MPPED1: variants seen among roughly 807,000 people sequenced by gnomAD.
The protein encoded by MPPED1 is metallophosphoesterase domain-containing protein 1.
MPPED1 carries 16 observed loss-of-function variants against 36.2 expected under a neutral mutation model. That is an observed-to-expected ratio of 0.44 (90% confidence interval 0.30 to 0.67). The LOEUF (loss-of-function observed/expected upper bound fraction) is 0.67, where lower values mean the gene tolerates loss of function less well. MPPED1 is among the 30% of genes least tolerant of loss of function. The pLI is 0.10. For missense variants in MPPED1, 307 were observed against 453.4 expected (o/e 0.68, Z 2.93); for synonymous variants, 199 against 191.3 (o/e 1.04, Z -0.33).
chr22:43,424,821 C>G (rs1929402345), intron 1 of MPPED1, 87 bp from the exon 2 acceptor site: 3 of 1,432,068 alleles, frequency 2.1e-6, no homozygotes, highest in East Asian at 5.0e-5. Context: ...CCCCCGCCCT[C>G]TCCCTCTTTC....
At chr22:43,439,210 A>T (rs1601959598) in intron 3 of MPPED1, among the ~76,000 whole-genome samples, 2 of 152,260 alleles carry the variant, frequency 1.3e-5, no homozygotes, top group South Asian at 4.1e-4. Context: ...GTCTGCGTTC[A>T]TGGGAGGGGG....
intron 1 of MPPED1, among the ~76,000 whole-genome samples, chr22:43,414,821 A>G (rs2146807676): frequency 6.6e-6 from 1 of 152,122 alleles, no homozygotes; most frequent in African/African-American, 2.4e-5. Flanking sequence ...AGCAATAAGT[A>G]CCTTTGTCTG....
chr22:43,498,250 C>T lies in MPPED1; in HGVS notation c.648C>T (p.Tyr216=), dbSNP rs1191418969. 9 of 1,535,010 alleles carry T rather than the reference C, an allele frequency of 5.9e-6. No individual in the cohort carries two copies. Among genetic ancestry groups the T allele is most frequent in the African/African-American group, 2.7e-5 (2 of 73,110 alleles). The part of the protein sequence containing the change: ...IYGSPWQPWF[Y]GWGFNLPRGQ... Reference sequence around the variant, plus strand: ...TCTTCTACAGGCAGCCCTGGTTCTACGGCTGGGGCTTCAACCTCCCGCGAG... The same window carrying T: ...TCTTCTACAGGCAGCCCTGGTTCTATGGCTGGGGCTTCAACCTCCCGCGAG... The change falls in exon 5 of 7, where the codon TAC becomes TAT. Residue 216 remains tyrosine, a synonymous_variant. Coordinates refer to ENST00000443721, the MANE Select transcript of MPPED1 (RefSeq NM_001044370.2).
At chr22:43,449,422 A>ACCCCCCCCCCCCCCCCCCCCCCCCACCC (rs135045) in intron 3 of MPPED1, among the ~76,000 whole-genome samples, 1 of 127,334 alleles carries the variant, frequency 7.9e-6, no homozygotes, top group Admixed American at 8.3e-5. Context: ...GACAGTGCCA[A>ACCCCCCCCCCCCCCCCCCCCCCCCACCC]CCCCCCCCGC....
intron 1 of MPPED1, chr22:43,416,415 A>T (rs991510235): frequency 6.6e-6 from 1 of 152,230 alleles, no homozygotes; most frequent in Non-Finnish European, 1.5e-5. Flanking sequence ...TGTTTAATAG[A>T]TTTCCACAAG....
At chr22:43,421,954 CAG>C (rs1245153904) in intron 1 of MPPED1, among the ~76,000 whole-genome samples, 1 of 152,212 alleles carries the variant, frequency 6.6e-6, no homozygotes, top group Non-Finnish European at 1.5e-5. Flanking sequence ...GAAGAGGAAA[CAG>C]AGCTTCTGGA....
intron 3 of MPPED1, among the ~76,000 whole-genome samples, chr22:43,455,392 G>A (rs1281548982): frequency 6.6e-6 from 1 of 152,124 alleles, no homozygotes; most frequent in African/African-American, 2.4e-5. Flanking sequence ...TTACAGGCGT[G>A]AGCCACTGCG....
In MPPED1 at chr22:43,472,803, G is replaced by A. The variant is rs1014004537; in HGVS notation, c.407-1933G>A. On this transcript the variant is annotated intron_variant, in intron 3 of 6. Transcript: ENST00000443721. Reference sequence around the variant, plus strand: ...CCATAGGGCACGTGGTTAGACAGACGGCACAGGTCTCATCTAGCTGGGGGT... The same window carrying A: ...CCATAGGGCACGTGGTTAGACAGACAGCACAGGTCTCATCTAGCTGGGGGT... Among the ~76,000 whole-genome samples, 13 of 152,314 alleles carry A rather than the reference G, an allele frequency of 8.5e-5. No individual in the cohort carries two copies. The South Asian group carries it at 1.2e-3, about 15-fold the overall frequency.
In MPPED1 at chr22:43,507,385, G is replaced by T. The variant is rs961367706; in HGVS notation, c.*1769G>T. The T allele has an allele frequency of 4.6e-5, 7 of 152,276 alleles. No homozygotes were observed. Among genetic ancestry groups the T allele is most frequent in the African/African-American group, 1.7e-4 (7 of 41,460 alleles). 9.4% of individuals were successfully genotyped at this position (152,276 alleles called of 1,614,324 possible). On this transcript the variant is annotated 3_prime_UTR_variant, in exon 7 of 7. Transcript: ENST00000443721. ...CACACTGAGCTGGGCTCCTCGAGGG[G>T]TGGGGCTGCTGTCCCTGGAAGCCTG... is the stretch of plus-strand genomic sequence containing the variant.
At chr22:43,490,855 C>T (rs1932060344) in intron 4 of MPPED1, among the ~76,000 whole-genome samples, 1 of 152,192 alleles carries the variant, frequency 6.6e-6, no homozygotes, top group African/African-American at 2.4e-5. Flanking sequence ...GCCAGTGGGG[C>T]TCTGAATGTG....
chr22:43,455,781 C>T (rs1930732579), intron 3 of MPPED1, among the ~76,000 whole-genome samples: 1 of 152,190 alleles, frequency 6.6e-6, no homozygotes, highest in African/African-American at 2.4e-5. Flanking sequence ...GTGCCCTTTC[C>T]TCCACCCCAA....
At chr22:43,482,425 C>T (rs1931779084) in intron 4 of MPPED1, among the ~76,000 whole-genome samples, 1 of 152,160 alleles carries the variant, frequency 6.6e-6, no homozygotes, top group Admixed American at 6.5e-5. Flanking sequence ...ACCTCAAGGC[C>T]AGGCAGTGGT....
chr22:43,453,987 T>C (rs1930664606), intron 3 of MPPED1, among the ~76,000 whole-genome samples: 1 of 152,076 alleles, frequency 6.6e-6, no homozygotes, highest in South Asian at 2.1e-4. Context: ...TTCTACTTTC[T>C]TTTTTAAAAT....
Position 43,502,495 on chromosome 22 carries a change from T to A in MPPED1, c.749-149T>A. The stretch of plus-strand genomic sequence containing the variant: ...CCTGAAGCCTGAGGCAGGGCAGGGT[T>A]CCGGAGAGCTTGCTAGGGGAGAGTG... On this transcript the variant is annotated intron_variant, in intron 5 of 6. Coordinates refer to ENST00000443721, the MANE Select transcript of MPPED1 (RefSeq NM_001044370.2). The surrounding 1 kb of genome is among the most constrained non-coding windows in gnomAD (Gnocchi z 5.5). 1 of 627,988 alleles carries A rather than the reference T, an allele frequency of 1.6e-6. No individual in the cohort carries two copies. Among genetic ancestry groups the A allele is most frequent in the Non-Finnish European group, 2.8e-6 (1 of 356,420 alleles). The allele number at this position is 627,988 out of a possible 1,614,324, so 38.9% of individuals were successfully genotyped here. A position where few individuals can be genotyped will look rare whatever the true frequency, so the allele number is the denominator to read the frequency against.
intron 5 of MPPED1, among the ~76,000 whole-genome samples, chr22:43,501,778 G>A (rs1306042118): frequency 2.6e-5 from 4 of 151,834 alleles, no homozygotes; most frequent in Non-Finnish European, 2.9e-5. Context: ...CCCAGCCTGT[G>A]CCCAACCCAT....
At chr22:43,501,626 TC>T (rs1312004838) in intron 5 of MPPED1, among the ~76,000 whole-genome samples, 2 of 152,128 alleles carry the variant, frequency 1.3e-5, no homozygotes, top group African/African-American at 2.4e-5. Context: ...TGAAGAAGGA[TC>T]CGGCCTCATG....
At chr22:43,456,274 G>A (rs1930750551) in intron 3 of MPPED1, among the ~76,000 whole-genome samples, 1 of 152,136 alleles carries the variant, frequency 6.6e-6, no homozygotes, top group Non-Finnish European at 1.5e-5. Flanking sequence ...TGTTAGCTGT[G>A]GGATTTGTAA....
intron 1 of MPPED1, chr22:43,418,150 G>T (rs1483617303): frequency 2.2e-6 from 1 of 456,304 alleles, no homozygotes; most frequent in Admixed American, 2.3e-5. Context: ...TACCGGCCTG[G>T]CACTGGCTTT....
Position 43,477,680 on chromosome 22 carries a change from G to A in MPPED1, c.632+2719G>A, listed in dbSNP as rs534969894. 4.6e-5 allele frequency among the ~76,000 whole-genome samples: 7 copies of A among 152,290 alleles called. No individual in the cohort carries two copies. In the East Asian group the frequency reaches 5.8e-4, roughly 13 times the overall value. Reference sequence around the variant, plus strand: ...GGGCTGTCTCATCTTCCCTGGCCTCGGCAGGTGCCTGCTGTCATCTCCCTG... The same window carrying A: ...GGGCTGTCTCATCTTCCCTGGCCTCAGCAGGTGCCTGCTGTCATCTCCCTG... On this transcript the variant is annotated intron_variant, in intron 4 of 6. Transcript: ENST00000443721.
Sources: gnomAD v4.1 joint callset for allele counts (sites outside exome capture counted in the v4.1 genomes callset) on GRCh38, gnomAD v4.1.1 for gene constraint, Gnocchi (gnomAD v3.1) non-coding constraint, MANE v1.5 for transcripts, NCBI Gene and HGNC (gene_info 2026-07-23, HGNC 2026-07-21) for gene names.